The following PCDHGA10 variants were observed in gnomAD, a reference collection of about 807,000 sequenced individuals.
PCDHGA10 encodes protocadherin gamma subfamily A, 10.
In PCDHGA10, 42 loss-of-function variants were observed where a neutral mutation model predicts 59.5. That is an observed-to-expected ratio of 0.71 (90% CI 0.55 to 0.91). PCDHGA10 has a LOEUF of 0.91. PCDHGA10 is among the 40% of genes least tolerant of loss of function. The pLI is 0.00. For missense variants in PCDHGA10, 1,111 were observed against 1,198.2 expected, an observed-to-expected ratio of 0.93 and a Z score of 1.07; for synonymous variants, 511 against 517.2, an observed-to-expected ratio of 0.99 and a Z score of 0.16.
intron 1 of PCDHGA10, chr5:141,441,470 C>G (rs1170727138): frequency 5.9e-6 from 1 of 168,868 alleles, no homozygotes; most frequent in East Asian, 1.9e-4. Context: ...ATTGGCGATG[C>G]CAACGACAAT....
At chr5:141,444,507 G>C (rs1213059531) in intron 1 of PCDHGA10, among the ~76,000 whole-genome samples, 1 of 152,068 alleles carries the variant, frequency 6.6e-6, no homozygotes, top group Non-Finnish European at 1.5e-5. Context: ...CTTTGCTCTA[G>C]CAGTATAGTA....
In PCDHGA10 at chr5:141,413,763, G is replaced by A. The variant is rs964376306; in HGVS notation, c.588G>A (p.Pro196=). The change falls in exon 1 of 4, where the codon CCG becomes CCA. Residue 196 remains proline (P), a synonymous_variant. Transcript: ENST00000398610. ...VQSRANGVKY[P]ELVLEHSLDR... ...GCCGTGCCAATGGCGTCAAGTACCC[G>A]GAGCTGGTACTGGAGCACTCCCTAG... is the stretch of plus-strand genomic sequence containing the variant. The A allele has an allele frequency of 3.7e-6, 6 of 1,612,814 alleles. No homozygotes were observed. Among genetic ancestry groups the A allele is most frequent in the Non-Finnish European group, 5.1e-6 (6 of 1,179,880 alleles).
chr5:141,479,568 G>A (rs553213095), intron 1 of PCDHGA10: 2 of 152,346 alleles, frequency 1.3e-5, no homozygotes, highest in East Asian at 3.9e-4. Context: ...GTAGTGGGAT[G>A]ACATCTGTGA....
Position 141,476,610 on chromosome 5 carries a change from G to A in PCDHGA10, c.2437-18197G>A, listed in dbSNP as rs769858609. ...GAGAGCGCGCACGATCCCGATGTGGGAAGCAACTCTTTACAAACCTATGAG... is the reference window on the plus strand; with the variant it reads ...GAGAGCGCGCACGATCCCGATGTGGAAAGCAACTCTTTACAAACCTATGAG... On this transcript the variant is annotated intron_variant, in intron 1 of 3. Coordinates refer to ENST00000398610, the MANE Select transcript of PCDHGA10 (RefSeq NM_018913.3). The surrounding 1 kb of genome is among the most constrained non-coding windows in gnomAD (Gnocchi z 7.6). The A allele has an allele frequency of 1.2e-6, 2 of 1,614,262 alleles. No homozygotes were observed. The highest frequency in any genetic ancestry group is 3.3e-5 in the Admixed American group (2 of 60,036).
chr5:141,489,666 C>A lies in PCDHGA10; in HGVS notation c.2437-5141C>A. On this transcript the variant is annotated intron_variant, in intron 1 of 3. Transcript: ENST00000398610. The surrounding 1 kb of genome is among the most constrained non-coding windows in gnomAD (Gnocchi z 4.5). ...CCACCCCTGAGCGAGAGATGCGCAT[C>A]TCAGAATCAGCAGCATCTGGGGCAC... 1.2e-6 allele frequency: 2 copies of A among 1,614,222 alleles called. No homozygotes were observed. Among genetic ancestry groups the A allele is most frequent in the Non-Finnish European group, 1.7e-6 (2 of 1,180,036 alleles).
intron 1 of PCDHGA10, chr5:141,478,131 A>G (rs747801474): frequency 6.2e-7 from 1 of 1,614,064 alleles, no homozygotes; most frequent in Non-Finnish European, 8.5e-7. Flanking sequence ...GACTCTCCTG[A>G]AGCCCGAGCC....
chr5:141,426,596 C>T (rs1408090148), intron 1 of PCDHGA10: 9 of 377,102 alleles, frequency 2.4e-5, no homozygotes, highest in Middle Eastern at 3.9e-4. Context: ...GTGTCATACC[C>T]TTAGAGATTG....
At chr5:141,430,573 A>C (rs938248057) in intron 1 of PCDHGA10, 8 of 448,940 alleles carry the variant, frequency 1.8e-5, no homozygotes, top group Non-Finnish European at 3.0e-5. Context: ...AGAAAAGCGG[A>C]GATCCTGCTC....
rs992096722 is a variant in PCDHGA10, at chr5:141,413,506, A to G, written c.331A>G (p.Asn111Asp). 3 of 1,613,910 alleles carry G rather than the reference A, an allele frequency of 1.9e-6. No individual in the cohort carries two copies. The highest frequency in any genetic ancestry group is 2.7e-5 in the African/African-American group (2 of 74,954). Residue 111 changes from asparagine to aspartate, a missense_variant, in exon 1 of 4, where the codon AAT (asparagine) becomes GAT (aspartate). Physicochemically the swap from Asn to Asp is conservative, Grantham distance 23. Coordinates refer to ENST00000398610, the MANE Select transcript of PCDHGA10 (RefSeq NM_018913.3). ...GAGCGCGCGGTGCGTGGTGAGTTTT[A>G]ATATCCTTGTGGAAGACAGGGTGAA... is the stretch of plus-strand genomic sequence containing the variant. ...AQSARCVVSF[N>D]ILVEDRVKLF...
In PCDHGA10 at chr5:141,430,862, G is replaced by A. The variant is rs1365140768; in HGVS notation, c.2436+15251G>A. ...CGGATGCACCCAGATACGCTATTCA[G>A]TTCCGGAAGAGCTGGAGAAAGGCTC... is the stretch of plus-strand genomic sequence containing the variant. On this transcript the variant is annotated intron_variant, in intron 1 of 3. Transcript: ENST00000398610. 3 of 1,594,672 alleles carry A rather than the reference G, an allele frequency of 1.9e-6. No individual in the cohort carries two copies. The African/African-American group carries it at 4.0e-5, about 21-fold the overall frequency.
intron 1 of PCDHGA10, among the ~76,000 whole-genome samples, chr5:141,437,360 G>T (rs1432098876): frequency 6.6e-6 from 1 of 152,144 alleles, no homozygotes; most frequent in Non-Finnish European, 1.5e-5. Context: ...ACCTAAAATT[G>T]GAATGTAATC....
At chr5:141,417,787 T>C in intron 1 of PCDHGA10, 1 of 1,477,124 alleles carries the variant, frequency 6.8e-7, no homozygotes, top group Non-Finnish European at 9.0e-7. Flanking sequence ...CTGGGCCGAA[T>C]GCTCTTTTAG....
At chr5:141,505,983 C>G (rs1235662535) in intron 3 of PCDHGA10, among the ~76,000 whole-genome samples, 1 of 152,148 alleles carries the variant, frequency 6.6e-6, no homozygotes, top group Non-Finnish European at 1.5e-5. Context: ...GAGAGAACAC[C>G]TCCTCTTTAT....
At chr5:141,428,124 C>G in intron 1 of PCDHGA10, 2 of 1,605,400 alleles carry the variant, frequency 1.2e-6, no homozygotes, top group Non-Finnish European at 1.7e-6. Flanking sequence ...CGAGCCCGGG[C>G]TTTTCAGCCT....
At chr5:141,451,151 A>AT (rs1324071351) in intron 1 of PCDHGA10, among the ~76,000 whole-genome samples, 2 of 152,190 alleles carry the variant, frequency 1.3e-5, no homozygotes, top group Admixed American at 6.5e-5. Context: ...TAGACTAGAC[A>AT]TTTTTTTGGT....
chr5:141,422,853 C>T (rs746989617), intron 1 of PCDHGA10: 8 of 1,614,264 alleles, frequency 5.0e-6, no homozygotes, highest in South Asian at 3.3e-5. Flanking sequence ...GGGACCCGCC[C>T]CTCAGCAGCA....
chr5:141,462,652 A>T (rs201168659), intron 1 of PCDHGA10, among the ~76,000 whole-genome samples: 1 of 80,348 alleles, frequency 1.2e-5, no homozygotes, highest in African/African-American at 7.4e-5. Flanking sequence ...TTCCATCCTC[A>T]ATTATCTTCA....
intron 1 of PCDHGA10, among the ~76,000 whole-genome samples, chr5:141,494,512 C>T (rs2154591503): frequency 6.6e-6 from 1 of 152,276 alleles, no homozygotes; most frequent in Middle Eastern, 3.4e-3. Context: ...AATTTTGGCT[C>T]AGGAGTTCTG....
chr5:141,506,380 T>C (rs1209879935), intron 3 of PCDHGA10, among the ~76,000 whole-genome samples: 1 of 141,314 alleles, frequency 7.1e-6, no homozygotes, highest in Non-Finnish European at 1.5e-5. Flanking sequence ...ACCTGGGAGG[T>C]GGCTGTGGTG....
Sources: allele counts gnomAD v4.1 joint callset (sites outside exome capture counted in the v4.1 genomes callset), GRCh38; gene constraint gnomAD v4.1.1; non-coding constraint Gnocchi (gnomAD v3.1); transcripts MANE v1.5; gene names NCBI Gene and HGNC (gene_info 2026-07-23, HGNC 2026-07-21).